Variants in TUBGCP4 observed in about 807,000 individuals in gnomAD.
The protein encoded by TUBGCP4 is tubulin gamma complex component 4, also known as gamma-tubulin complex component 4.
TUBGCP4 carries 54 observed loss-of-function variants against 91.6 expected under a neutral mutation model. The ratio of observed to expected loss-of-function variants is 0.59; its 90% CI spans 0.47 to 0.74. The LOEUF (loss-of-function observed/expected upper bound fraction) is 0.74. Among genes scored for constraint, TUBGCP4 ranks in the 30% least tolerant of loss-of-function variants. The pLI, the probability that TUBGCP4 is intolerant of heterozygous loss-of-function variation, is 0.00. For missense variants in TUBGCP4, 593 were observed against 800.9 expected (o/e 0.74, Z 3.13); for synonymous variants, 297 against 302.8 (o/e 0.98, Z 0.20).
intron 9 of TUBGCP4, among the ~76,000 whole-genome samples, chr15:43,392,121 T>C (rs556584183): frequency 6.5e-4 from 86 of 133,008 alleles, no homozygotes; most frequent in South Asian, 6.2e-3. Context: ...CACACACACA[T>C]ATTTTTTTTT....
chr15:43,403,641 ACCTT>A (rs745461784), intron 15 of TUBGCP4, 38 bp from the exon 16 acceptor site: 17 of 1,407,236 alleles, frequency 1.2e-5, no homozygotes, highest in Non-Finnish European at 1.6e-5. Context: ...TCATGGATGT[ACCTT>A]CCTTCCTTTC....
chr15:43,376,280 G>T, intron 2 of TUBGCP4, 54 bp downstream of exon 2: 1 of 1,609,774 alleles, frequency 6.2e-7, no homozygotes, highest in Non-Finnish European at 8.5e-7. Context: ...GCTATGTCAA[G>T]CTTTCACCTC....
chr15:43,407,892 G>C lies in TUBGCP4; in HGVS notation c.*2678G>C. The C allele has an allele frequency of 6.4e-7, 1 of 1,572,756 alleles. No individual in the cohort carries two copies. Among genetic ancestry groups the C allele is most frequent in the Non-Finnish European group, 8.6e-7 (1 of 1,161,088 alleles). Reference sequence around the variant, plus strand: ...TGGACCACAAGGCCTAACACCTACAGGTCTAAGGAGATCCCTGGAACAAAG... The same window carrying C: ...TGGACCACAAGGCCTAACACCTACACGTCTAAGGAGATCCCTGGAACAAAG... On this transcript the variant is annotated 3_prime_UTR_variant, in exon 18 of 18. Coordinates refer to ENST00000564079, the MANE Select transcript of TUBGCP4 (RefSeq NM_014444.5).
At chr15:43,401,524 G>T (rs1054602043) in intron 14 of TUBGCP4, among the ~76,000 whole-genome samples, 192 bp from the exon 15 acceptor site, 1 of 151,876 alleles carries the variant, frequency 6.6e-6, no homozygotes, top group Non-Finnish European at 1.5e-5. Flanking sequence ...GGAGGGAGGG[G>T]GTTCAGAATT....
At position 43,407,940 on chromosome 15, in the gene TUBGCP4, T is replaced by C; in HGVS notation, c.*2726T>C. 1 of 1,610,824 alleles carries C rather than the reference T, an allele frequency of 6.2e-7. No individual in the cohort carries two copies. Among genetic ancestry groups the C allele is most frequent in the Non-Finnish European group, 8.5e-7 (1 of 1,179,566 alleles). On this transcript the variant is annotated 3_prime_UTR_variant, in exon 18 of 18. Transcript: ENST00000564079. ...AAGACACTACACACACTCTTTCAGGTACCTTTGTTATGGGCACTTGAATGG... is the reference window on the plus strand; with the variant it reads ...AAGACACTACACACACTCTTTCAGGCACCTTTGTTATGGGCACTTGAATGG...
Position 43,409,284 on chromosome 15 carries a change from T to C in TUBGCP4, c.*4070T>C. On this transcript the variant is annotated 3_prime_UTR_variant, in exon 18 of 18. Transcript: ENST00000564079. ...CCAAGTAATTTCCATAGATGTTCTC[T>C]CTGCCTCACCTGCAGCATACTGAGG... 1.6e-6 allele frequency: 1 copy of C among 616,138 alleles called. No individual in the cohort carries two copies. Among genetic ancestry groups the C allele is most frequent in the South Asian group, 2.0e-5 (1 of 50,652 alleles). 38.2% of individuals were successfully genotyped at this position (616,138 alleles called of 1,614,324 possible). A position where few individuals can be genotyped will look rare whatever the true frequency, so the allele number is the denominator to read the frequency against.
chr15:43,378,375 T>G lies in TUBGCP4; in HGVS notation c.441+472T>G, dbSNP rs186630105. ...GTTTTTATCAGGTGTATTGAGAAGT[T>G]AGGAGAATGTCTTTCTGGGCAGAGT... On this transcript the variant is annotated intron_variant, in intron 5 of 17. Transcript: ENST00000564079. Among the ~76,000 whole-genome samples the G allele has an allele frequency of 1.1e-4, 16 of 152,348 alleles. No homozygotes were observed. In the East Asian group the frequency reaches 2.9e-3, roughly 28 times the overall value.
At chr15:43,374,468 T>A (rs2044172214) in intron 1 of TUBGCP4, among the ~76,000 whole-genome samples, 1 of 152,108 alleles carries the variant, frequency 6.6e-6, no homozygotes, top group Non-Finnish European at 1.5e-5. Flanking sequence ...TTTAATTAGC[T>A]GGGCATGGTG....
chr15:43,386,358 TATATATATATATATATATA>T (rs751877965), intron 9 of TUBGCP4, 28 bp downstream of exon 9: 3 of 71,694 alleles, frequency 4.2e-5, no homozygotes, highest in Non-Finnish European at 5.7e-5. Context: ...TATATATATA[TATATATATATATATATATA>T]TTTTTTTTTT....
At chr15:43,379,781 G>T (rs557025855) in intron 5 of TUBGCP4, among the ~76,000 whole-genome samples, 51 of 152,012 alleles carry the variant, frequency 3.4e-4, no homozygotes, top group Non-Finnish European at 7.1e-4. Context: ...AACTCTAAAT[G>T]ATTCTGGTTG....
intron 17 of TUBGCP4, 116 bp downstream of exon 17, chr15:43,404,668 G>C: frequency 8.9e-7 from 1 of 1,119,530 alleles, no homozygotes; most frequent in Non-Finnish European, 1.3e-6. Flanking sequence ...TATAAGTAAG[G>C]CTTAGAGATA....
At chr15:43,387,862 T>C (rs1208288624) in intron 9 of TUBGCP4, among the ~76,000 whole-genome samples, 1 of 151,906 alleles carries the variant, frequency 6.6e-6, no homozygotes, top group African/African-American at 2.4e-5. Flanking sequence ...TTTTATTTTA[T>C]TTTTGAGACA....
At chr15:43,376,906 C>T in intron 3 of TUBGCP4, 108 bp from the exon 4 acceptor site, 1 of 1,064,262 alleles carries the variant, frequency 9.4e-7, no homozygotes, top group South Asian at 1.3e-5. Context: ...TCTCGATAGC[C>T]TAAAATTAAC....
intron 9 of TUBGCP4, among the ~76,000 whole-genome samples, chr15:43,392,933 C>G (rs975402862): frequency 4.6e-5 from 7 of 152,300 alleles, no homozygotes; most frequent in Middle Eastern, 6.8e-3. Flanking sequence ...TCCCACTCTT[C>G]CTACCCTGAC....
At chr15:43,383,750 G>A (rs1363841751) in intron 7 of TUBGCP4, among the ~76,000 whole-genome samples, 1 of 151,686 alleles carries the variant, frequency 6.6e-6, no homozygotes, top group East Asian at 1.9e-4. Flanking sequence ...TACTTATGTA[G>A]CTACTCTAAT....
rs767285768 is a variant in TUBGCP4 at position 43,408,901 on chromosome 15, C to T, written c.*3687C>T. The stretch of plus-strand genomic sequence containing the variant: ...GGATGGGCTTCAAATACTTACCAGT[C>T]CAGAATTCTTTGCTCCTCAAGGCTG... On this transcript the variant is annotated 3_prime_UTR_variant, in exon 18 of 18. Transcript: ENST00000564079. The T allele has an allele frequency of 1.9e-6, 3 of 1,614,156 alleles. No homozygotes were observed. The South Asian group carries it at 3.3e-5, about 18-fold the overall frequency.
intron 15 of TUBGCP4, 130 bp downstream of exon 15, chr15:43,401,980 A>C: frequency 7.8e-7 from 1 of 1,275,998 alleles, no homozygotes. Flanking sequence ...TTTTTTAAGA[A>C]TGTGTAAAGC....
At chr15:43,384,382 G>A (rs1035330157) in intron 7 of TUBGCP4, among the ~76,000 whole-genome samples, 8 of 152,184 alleles carry the variant, frequency 5.3e-5, no homozygotes, top group Non-Finnish European at 1.2e-4. Flanking sequence ...CTTGGAACAT[G>A]GTCATGGGAT....
chr15:43,405,321 T>C lies in TUBGCP4; in HGVS notation c.*107T>C. 3 of 1,287,440 alleles carry C rather than the reference T, an allele frequency of 2.3e-6. No homozygotes were observed. Among genetic ancestry groups the C allele is most frequent in the Non-Finnish European group, 3.4e-6 (3 of 892,906 alleles). 79.8% of individuals were successfully genotyped at this position (1,287,440 alleles called of 1,614,324 possible). On this transcript the variant is annotated 3_prime_UTR_variant, in exon 18 of 18. Transcript: ENST00000564079. ...ACACAAATAAATATCTGCGGCTTAG[T>C]GATAGGACTCTACCTTTTCTCCTAG...
Sources: allele counts gnomAD v4.1 joint callset (sites outside exome capture counted in the v4.1 genomes callset), GRCh38; gene constraint gnomAD v4.1.1; transcripts MANE v1.5; gene names NCBI Gene and HGNC (gene_info 2026-07-23, HGNC 2026-07-21).